STK26: variants seen among roughly 807,000 people sequenced by gnomAD.
The protein encoded by STK26 is serine/threonine kinase 26.
STK26 carries 14 observed loss-of-function variants against 34.7 expected under a neutral mutation model. The ratio of observed to expected loss-of-function variants is 0.40; its 90% CI spans 0.27 to 0.63. The LOEUF (loss-of-function observed/expected upper bound fraction) is 0.63, where lower values mean the gene tolerates loss of function less well. Ranked by LOEUF, STK26 falls within the 30% of genes least tolerant of loss-of-function variation. The pLI, the probability that STK26 is intolerant of heterozygous loss-of-function variation, is 0.38. For synonymous variants in STK26, 100 were observed against 109.8 expected (o/e 0.91, Z 0.56); for missense variants, 226 against 309.1 (o/e 0.73, Z 2.02).
intron 2 of STK26, among the ~76,000 whole-genome samples, chrX:132,051,898 A>T (rs1425839896): frequency 1.8e-5 from 2 of 110,470 alleles, no homozygotes; most frequent in African/African-American, 6.6e-5. Flanking sequence ...TTCCAGTTTC[A>T]TCCATGTCCT....
chrX:132,034,467 T>G (rs1334106848), intron 2 of STK26, among the ~76,000 whole-genome samples: 1 of 107,889 alleles, frequency 9.3e-6, no homozygotes, highest in Non-Finnish European at 1.9e-5. Context: ...CCACTACGCC[T>G]GGCTAACTTT....
chrX:132,055,022 T>C (rs1286487318), intron 3 of STK26, among the ~76,000 whole-genome samples, 161 bp downstream of exon 3: 1 of 112,377 alleles, frequency 8.9e-6, no homozygotes, highest in African/African-American at 3.2e-5. Flanking sequence ...CGTTGTTAGA[T>C]TTAGCAGCTG....
intron 2 of STK26, among the ~76,000 whole-genome samples, chrX:132,025,508 TA>T (rs1453436334): frequency 8.9e-6 from 1 of 112,037 alleles, no homozygotes. Context: ...AAATCTTAAT[TA>T]ATGTGGATTC....
At chrX:132,059,170 A>C (rs1053029922) in intron 3 of STK26, among the ~76,000 whole-genome samples, 37 of 111,477 alleles carry the variant, frequency 3.3e-4, no homozygotes, top group Admixed American at 3.1e-3. Context: ...GCCATCAGGG[A>C]ACTGTGTTAT....
At chrX:132,068,132 C>A in intron 4 of STK26, 83 bp from the exon 5 acceptor site, 1 of 729,772 alleles carries the variant, frequency 1.4e-6, no homozygotes, top group Non-Finnish European at 2.0e-6. Flanking sequence ...GTGATTTCTT[C>A]ATTTCAAAGG....
In STK26 at chrX:132,044,696, G is replaced by T. The variant is rs866915665; in HGVS notation, c.43-9935G>T. Reference sequence around the variant, plus strand: ...CTATATATATATATATATAGAGAGAGAGAGAGAGAGAGATCTATATATATA... The same window carrying T: ...CTATATATATATATATATAGAGAGATAGAGAGAGAGAGATCTATATATATA... On this transcript the variant is annotated intron_variant, in intron 2 of 11. Coordinates refer to ENST00000394334, the MANE Select transcript of STK26 (RefSeq NM_016542.4). Among the ~76,000 whole-genome samples the T allele has an allele frequency of 7.8e-4, 52 of 66,509 alleles. 1 individual carries two copies. The highest frequency in any genetic ancestry group is 1.7e-3 in the African/African-American group (30 of 17,228). The allele number at this position is 66,509 out of a possible 115,157, so 57.8% of individuals were successfully genotyped here.
chrX:132,069,568 C>G lies in STK26; in HGVS notation c.688C>G (p.Leu230Val). The change falls in exon 7 of 12, where the codon CTT (leucine) becomes GTT (valine). Residue 230 changes from leucine (L) to valine (V), a missense_variant. Physicochemically the swap from Leu to Val is conservative, Grantham distance 32. Around this residue, in one of 2 missense-constraint regions of STK26, gnomAD observed 100 missense variants for 176.7 expected, o/e 0.57. Coordinates refer to ENST00000394334, the MANE Select transcript of STK26 (RefSeq NM_016542.4). ...SDMHPMRVLFLIPKNNPPTLV... is the reference protein window; with the variant it reads ...SDMHPMRVLFVIPKNNPPTLV... The stretch of plus-strand genomic sequence containing the variant: ...TATGCATCCAATGAGAGTTCTGTTT[C>G]TTATTCCCAAAAACAATCCTCCAAC... 1 of 1,185,694 alleles carries G rather than the reference C, an allele frequency of 8.4e-7. No homozygotes were observed. The highest frequency in any genetic ancestry group is 1.1e-6 in the Non-Finnish European group (1 of 882,642).
Position 132,069,620 on chromosome X carries a change from T to C in STK26, c.740T>C (p.Phe247Ser). 8.6e-7 allele frequency: 1 copy of C among 1,158,371 alleles called. No individual in the cohort carries two copies. Among genetic ancestry groups the C allele is most frequent in the Non-Finnish European group, 1.1e-6 (1 of 870,646 alleles). The change falls in exon 7 of 12, where the codon TTT becomes TCT. Residue 247 changes from phenylalanine to serine, a missense_variant. By Grantham distance (155) the Phe-to-Ser change is radical. This residue lies in a region of STK26 where 126 missense variants were observed against 132.4 expected (regional missense o/e 0.95). Coordinates refer to ENST00000394334, the MANE Select transcript of STK26 (RefSeq NM_016542.4). ...CTTGTTGGAGACTTTACTAAGTCTT[T>C]TAAGGAGTTTATTGATGCTTGCCTG... The part of the protein sequence containing the change: ...PTLVGDFTKS[F>S]KEFIDACLNK...
intron 3 of STK26, among the ~76,000 whole-genome samples, chrX:132,058,252 GTA>G (rs1482453676): frequency 2.7e-4 from 28 of 104,615 alleles, no homozygotes; most frequent in East Asian, 2.4e-3. Context: ...GCGTGTGTGT[GTA>G]TGTGTGTGTG....
At chrX:132,034,006 C>T (rs770618988) in intron 2 of STK26, among the ~76,000 whole-genome samples, 4 of 108,781 alleles carry the variant, frequency 3.7e-5, no homozygotes, top group Non-Finnish European at 7.6e-5. Flanking sequence ...CCTTGCTTCT[C>T]GGCAGGATGG....
intron 2 of STK26, among the ~76,000 whole-genome samples, chrX:132,030,056 G>A (rs999196566): frequency 9.0e-5 from 10 of 111,430 alleles, no homozygotes; most frequent in African/African-American, 3.3e-4. Flanking sequence ...TAAAAATATT[G>A]TACAACACCT....
At chrX:132,044,410 G>A (rs909029563) in intron 2 of STK26, among the ~76,000 whole-genome samples, 23 of 109,996 alleles carry the variant, frequency 2.1e-4, no homozygotes, top group Non-Finnish European at 4.2e-4. Flanking sequence ...AAGATGCTGC[G>A]ATTTTCAGAG....
chrX:132,070,998 T>C (rs760701957), intron 7 of STK26, 71 bp from the exon 8 acceptor site: 1 of 1,054,714 alleles, frequency 9.5e-7, no homozygotes, highest in East Asian at 3.1e-5. Flanking sequence ...TCAAATGATT[T>C]TTTTTACCAT....
intron 3 of STK26, among the ~76,000 whole-genome samples, chrX:132,058,243 C>CGTGT (rs1926924238): frequency 9.7e-6 from 1 of 102,723 alleles, no homozygotes; most frequent in African/African-American, 3.9e-5. Context: ...TGTGTGTGTG[C>CGTGT]GTGTGTGTGT....
intron 2 of STK26, among the ~76,000 whole-genome samples, chrX:132,040,616 G>T (rs973269735): frequency 9.0e-6 from 1 of 111,525 alleles, no homozygotes; most frequent in African/African-American, 3.3e-5. Context: ...GGGAGGACAG[G>T]GGAGAGGCTT....
chrX:132,036,989 G>A (rs1926075258), intron 2 of STK26, among the ~76,000 whole-genome samples: 2 of 111,940 alleles, frequency 1.8e-5, no homozygotes, highest in South Asian at 7.4e-4. Context: ...TGTTCAAGGA[G>A]CAGAAAAATA....
At chrX:132,039,104 A>C (rs1480839178) in intron 2 of STK26, among the ~76,000 whole-genome samples, 1 of 110,759 alleles carries the variant, frequency 9.0e-6, no homozygotes, top group Non-Finnish European at 1.9e-5. Context: ...CCCTTTGTCC[A>C]CCCACATGCC....
rs561602079 is a variant in STK26, at chrX:132,034,292, C to CTTTTTT, written c.42+10660_42+10665dup. On this transcript the variant is annotated intron_variant, in intron 2 of 11. Coordinates refer to ENST00000394334, the MANE Select transcript of STK26 (RefSeq NM_016542.4). ...TGAATGCCAGAATGAGACATTTATT[C>CTTTTTT]TTTTTTTTTTTTTTTTTTTTTTTTT... Among the ~76,000 whole-genome samples the CTTTTTT allele has an allele frequency of 4.6e-3, 190 of 41,371 alleles. 34 individuals are homozygous for CTTTTTT. The highest frequency in any genetic ancestry group is 9.0e-3 in the East Asian group (8 of 885). The allele number at this position is 41,371 out of a possible 115,157, so 35.9% of individuals were successfully genotyped here.
chrX:132,033,451 C>A (rs139397115), intron 2 of STK26, among the ~76,000 whole-genome samples: 1 of 112,165 alleles, frequency 8.9e-6, no homozygotes, highest in African/African-American at 3.2e-5. Context: ...CAGGGAAATA[C>A]GCATATTTCA....
Sources: allele counts gnomAD v4.1 joint callset (sites outside exome capture counted in the v4.1 genomes callset), GRCh38; gene constraint gnomAD v4.1.1; regional missense constraint gnomAD v4.1.1; transcripts MANE v1.5; gene names NCBI Gene and HGNC (gene_info 2026-07-23, HGNC 2026-07-21).